EFCAB8: variants seen among roughly 807,000 people sequenced by gnomAD.
EFCAB8 encodes the protein EF-hand calcium binding domain 8, also known as EF-hand calcium-binding domain-containing protein 8.
A neutral mutation model predicts 116.3 loss-of-function variants in EFCAB8; 100 were observed. The observed-to-expected ratio is 0.86, with a 90% confidence interval of 0.73 to 1.02. The LOEUF (loss-of-function observed/expected upper bound fraction) is 1.02. Ranked by LOEUF, EFCAB8 falls within the 50% of genes least tolerant of loss-of-function variation. The probability of loss-of-function intolerance (pLI) is 0.00; values close to 1 mark genes in which losing one functional copy is unlikely to be tolerated. For synonymous variants in EFCAB8, 558 were observed against 567.9 expected, an observed-to-expected ratio of 0.98 and a Z score of 0.25; for missense variants, 1,320 against 1,416.9, an observed-to-expected ratio of 0.93 and a Z score of 1.10.
rs1435464336 is a variant in EFCAB8, at chr20:32,912,804, T to C, written c.1796T>C (p.Ile599Thr). The C allele has an allele frequency of 1.4e-6, 1 of 718,834 alleles. No homozygotes were observed. The highest frequency in any genetic ancestry group is 1.7e-5 in the African/African-American group (1 of 57,258). 44.5% of individuals were successfully genotyped at this position (718,834 alleles called of 1,614,324 possible). ...PSPEQLEISG[I>T]IHMNKVFYVT... is the part of the protein sequence containing the mutation. ...TTTCATCTTCAACAGATTAGTGGGA[T>C]TATCCATATGAACAAAGTGTTCTAT... is the stretch of plus-strand genomic sequence containing the variant. The change falls in exon 17 of 27, where the codon ATT (isoleucine) becomes ACT (threonine). Residue 599 changes from isoleucine (I) to threonine (T), a missense_variant. By Grantham distance (89) the Ile-to-Thr change is moderately conservative (BLOSUM62 -1). Coordinates refer to ENST00000400522, the MANE Select transcript of EFCAB8 (RefSeq NM_001143967.2).
intron 11 of EFCAB8, among the ~76,000 whole-genome samples, chr20:32,900,384 C>T (rs1293998428): frequency 4.6e-5 from 7 of 151,876 alleles, no homozygotes; most frequent in East Asian, 3.9e-4. Context: ...GTTTTTGAGA[C>T]GGAATCTTGT....
At chr20:32,882,510 T>C (rs1985395105) in intron 5 of EFCAB8, among the ~76,000 whole-genome samples, 1 of 152,130 alleles carries the variant, frequency 6.6e-6, no homozygotes, top group Non-Finnish European at 1.5e-5. Context: ...TTCCATTTTA[T>C]TGTATTTATT....
At position 32,959,003 on chromosome 20, in the gene EFCAB8, TC is replaced by T. The variant is rs576928854; in HGVS notation, c.3089+458del. 6.6e-5 allele frequency among the ~76,000 whole-genome samples: 10 copies of T among 152,230 alleles called. No homozygotes were observed. The South Asian group carries it at 2.1e-3, about 32-fold the overall frequency. ...GAGCAGGCTGCTGGCTACTTGGTCC[TC>T]CCCCTGCAGGTTCATCTCCTACCCA... is the stretch of plus-strand genomic sequence containing the variant. On this transcript the variant is annotated intron_variant, in intron 24 of 26. Transcript: ENST00000400522.
chr20:32,930,700 G>A (rs761547652), intron 21 of EFCAB8, 84 bp downstream of exon 21: 6 of 1,296,434 alleles, frequency 4.6e-6, no homozygotes, highest in Non-Finnish European at 6.5e-6. Flanking sequence ...CCCTTGCCTA[G>A]TTCCTACTCT....
intron 4 of EFCAB8, among the ~76,000 whole-genome samples, chr20:32,877,055 G>T (rs948944222): frequency 6.6e-6 from 1 of 152,008 alleles, no homozygotes; most frequent in East Asian, 1.9e-4. Flanking sequence ...TTTGCCCAGG[G>T]CTTCAGACTC....
At chr20:32,872,045 TAAA>T (rs1984708310) in intron 3 of EFCAB8, among the ~76,000 whole-genome samples, 1 of 152,200 alleles carries the variant, frequency 6.6e-6, no homozygotes, top group African/African-American at 2.4e-5. Flanking sequence ...TAACTCCAGA[TAAA>T]CAAGATGGGT....
At chr20:32,859,228 CCT>C (rs1160867303) in intron 1 of EFCAB8, among the ~76,000 whole-genome samples, 3 of 152,186 alleles carry the variant, frequency 2.0e-5, no homozygotes, top group Non-Finnish European at 1.5e-5. Flanking sequence ...AATTCTCACC[CCT>C]GTTCTGGATG....
chr20:32,942,173 A>T (rs1308844859), intron 22 of EFCAB8, among the ~76,000 whole-genome samples: 1 of 152,216 alleles, frequency 6.6e-6, no homozygotes, highest in African/African-American at 2.4e-5. Context: ...TATAGAAGGC[A>T]TTCAATAAAT....
At chr20:32,897,241 G>A (rs1986203576) in intron 10 of EFCAB8, among the ~76,000 whole-genome samples, 1 of 151,916 alleles carries the variant, frequency 6.6e-6, no homozygotes, top group South Asian at 2.1e-4. Flanking sequence ...GCTTTGTGTG[G>A]TCCGACCATT....
intron 16 of EFCAB8, among the ~76,000 whole-genome samples, chr20:32,912,441 AAAAAGAAG>A (rs1986979367): frequency 7.7e-6 from 1 of 129,806 alleles, no homozygotes; most frequent in African/African-American, 3.1e-5. Context: ...AAAAAAAAAA[AAAAAGAAG>A]AAGAAGAAAG....
intron 9 of EFCAB8, among the ~76,000 whole-genome samples, chr20:32,895,306 A>T (rs376611065): frequency 3.3e-4 from 43 of 131,210 alleles, no homozygotes; most frequent in Non-Finnish European, 5.1e-4. Flanking sequence ...GTTTTATTTT[A>T]TTTAAGATTT....
At chr20:32,905,426 C>T (rs1986627921) in intron 11 of EFCAB8, among the ~76,000 whole-genome samples, 1 of 152,112 alleles carries the variant, frequency 6.6e-6, no homozygotes, top group African/African-American at 2.4e-5. Flanking sequence ...TGGCAGTAAA[C>T]TGTTTGTCCA....
intron 19 of EFCAB8, among the ~76,000 whole-genome samples, chr20:32,919,732 G>A (rs1987359348): frequency 6.6e-6 from 1 of 151,998 alleles, no homozygotes; most frequent in Non-Finnish European, 1.5e-5. Context: ...CTCCTGGCCT[G>A]AAATTATCTG....
In EFCAB8 at chr20:32,961,554, C is replaced by T; in HGVS notation, c.3812C>T (p.Pro1271Leu). The T allele has an allele frequency of 7.1e-7, 1 of 1,402,752 alleles. No individual in the cohort carries two copies. Among genetic ancestry groups the T allele is most frequent in the Non-Finnish European group, 9.3e-7 (1 of 1,076,490 alleles). 86.9% of individuals were successfully genotyped at this position (1,402,752 alleles called of 1,614,324 possible). A position where few individuals can be genotyped will look rare whatever the true frequency, so the allele number is the denominator to read the frequency against. Residue 1271 changes from proline (P) to leucine (L), a missense_variant, in exon 27 of 27, where the codon CCT (proline) becomes CTT (leucine). Physicochemically the swap from Pro to Leu is moderately conservative, Grantham distance 98. Transcript: ENST00000400522. ...TCCTCCTTCGAGCGGCCCCCAAGGC[C>T]TCTGAAGGCCACCTTCATGTCCTCT... ...IVSSFERPPR[P>L]LKATFMSSVK... is the part of the protein sequence containing the mutation.
intron 19 of EFCAB8, 50 bp downstream of exon 19, chr20:32,918,624 GCGTTCACACACCGT>G: frequency 1.3e-6 from 2 of 1,515,146 alleles, no homozygotes; most frequent in Non-Finnish European, 1.8e-6. Flanking sequence ...CTAGCCGCCG[GCGTTCACACACCGT>G]CTGTGTGTGT....
Position 32,863,801 on chromosome 20 carries a change from T to C in EFCAB8, c.9T>C (p.Ser3=). Residue 3 remains serine, a synonymous_variant, in exon 2 of 27, where the codon TCT becomes TCC. Transcript: ENST00000400522. MS[S]EDLAEIPQLQ... ...ATTCTAGGTCAAGGCTAATGTCTTCTGAAGACTTAGCAGAGATCCCTCAAC... is the reference window on the plus strand; with the variant it reads ...ATTCTAGGTCAAGGCTAATGTCTTCCGAAGACTTAGCAGAGATCCCTCAAC... 1 of 1,551,350 alleles carries C rather than the reference T, an allele frequency of 6.4e-7. No individual in the cohort carries two copies. The highest frequency in any genetic ancestry group is 8.7e-7 in the Non-Finnish European group (1 of 1,146,852).
At chr20:32,934,751 T>C (rs1385449703) in intron 22 of EFCAB8, among the ~76,000 whole-genome samples, 1 of 152,198 alleles carries the variant, frequency 6.6e-6, no homozygotes, top group Non-Finnish European at 1.5e-5. Context: ...TCATGCTCTC[T>C]TGCCTGCTCC....
At chr20:32,926,565 T>C (rs960330054) in intron 20 of EFCAB8, among the ~76,000 whole-genome samples, 23 of 151,122 alleles carry the variant, frequency 1.5e-4, no homozygotes, top group Non-Finnish European at 1.6e-4. Flanking sequence ...AATGTGCAGG[T>C]TAGTTACATA....
At chr20:32,944,824 G>A (rs1193839994) in intron 23 of EFCAB8, among the ~76,000 whole-genome samples, 1 of 151,984 alleles carries the variant, frequency 6.6e-6, no homozygotes, top group Non-Finnish European at 1.5e-5. Flanking sequence ...AATCCCTTGA[G>A]CTTCTTGAAT....
Sources: allele counts gnomAD v4.1 joint callset (sites outside exome capture counted in the v4.1 genomes callset), GRCh38; gene constraint gnomAD v4.1.1; transcripts MANE v1.5; gene names NCBI Gene and HGNC (gene_info 2026-07-23, HGNC 2026-07-21).